The following RBFOX1 variants were observed in gnomAD, a reference collection of about 807,000 sequenced individuals.
RBFOX1 encodes RNA binding fox-1 homolog 1, also known as RNA binding protein fox-1 homolog 1.
RBFOX1 carries 8 observed loss-of-function variants against 57.7 expected under a neutral mutation model. The observed-to-expected ratio is 0.14, with a 90% CI of 0.08 to 0.25. RBFOX1 has a LOEUF of 0.25. Ranked by LOEUF, RBFOX1 falls within the 10% of genes least tolerant of loss-of-function variation. RBFOX1 has a pLI of 1.00. For missense variants in RBFOX1, 611 were observed against 548.5 expected (o/e 1.11, Z -1.14); for synonymous variants, 326 against 222.4 (o/e 1.47, Z -4.15).
intron 4 of RBFOX1, among the ~76,000 whole-genome samples, chr16:7,453,268 C>T (rs146335069): frequency 1.4e-4 from 21 of 152,012 alleles, no homozygotes; most frequent in African/African-American, 4.3e-4. Flanking sequence ...AGTAGCATTC[C>T]AGGCTGTGGG....
intron 3 of RBFOX1, among the ~76,000 whole-genome samples, chr16:6,901,240 T>G (rs13329868): frequency 3.3e-5 from 5 of 152,208 alleles, no homozygotes; most frequent in East Asian, 3.9e-4. Context: ...TCAGACTTCA[T>G]TCCAGTGAGG....
intron 3 of RBFOX1, among the ~76,000 whole-genome samples, chr16:5,781,826 T>C (rs1383815318): frequency 6.6e-6 from 1 of 152,206 alleles, no homozygotes; most frequent in Non-Finnish European, 1.5e-5. Flanking sequence ...GGCACTGATA[T>C]CAGAAAATGG....
At chr16:7,058,724 T>G (rs1362129550) in intron 4 of RBFOX1, among the ~76,000 whole-genome samples, 5 of 152,252 alleles carry the variant, frequency 3.3e-5, no homozygotes, top group Admixed American at 6.5e-5. Flanking sequence ...ATGGATTTTT[T>G]TCATTAACTT....
intron 4 of RBFOX1, among the ~76,000 whole-genome samples, chr16:7,220,649 A>G (rs2092656029): frequency 6.6e-6 from 1 of 151,978 alleles, no homozygotes; most frequent in African/African-American, 2.4e-5. Context: ...TGGACTTTTG[A>G]ATTATCTTCT....
chr16:5,763,356 TG>T (rs1450230054), intron 3 of RBFOX1, among the ~76,000 whole-genome samples: 4 of 152,116 alleles, frequency 2.6e-5, no homozygotes, highest in Non-Finnish European at 5.9e-5. Flanking sequence ...TGGCTGTGCT[TG>T]GGGGTGACTC....
chr16:6,281,383 C>T (rs2076363548), intron 1 of RBFOX1, among the ~76,000 whole-genome samples: 1 of 152,054 alleles, frequency 6.6e-6, no homozygotes, highest in South Asian at 2.1e-4. Context: ...AGGGGACAGC[C>T]AGGATTTTCC....
At chr16:6,998,187 T>C (rs2092433414) in intron 3 of RBFOX1, among the ~76,000 whole-genome samples, 1 of 152,156 alleles carries the variant, frequency 6.6e-6, no homozygotes, top group South Asian at 2.1e-4. Context: ...AGCAGTACAT[T>C]TGGTGGATTA....
rs1555612074 is a variant in RBFOX1, at chr16:7,567,309, A to ATCCTTATATATGGCCC, written c.271-12467_271-12466insCCTTATATATGGCCCT. Among the ~76,000 whole-genome samples the ATCCTTATATATGGCCC allele has an allele frequency of 1.7e-4, 5 of 30,048 alleles. 1 individual carries two copies. Among genetic ancestry groups the ATCCTTATATATGGCCC allele is most frequent in the African/African-American group, 7.1e-4 (5 of 7,016 alleles). The allele number at this position is 30,048 out of a possible 152,430, so 19.7% of individuals were successfully genotyped here. ...TATATCCTTATATATGGCCCTATAT[A>ATCCTTATATATGGCCC]TATATATATATATCTCCCTATATAT... is the stretch of plus-strand genomic sequence containing the variant. On this transcript the variant is annotated intron_variant, in intron 5 of 15. Transcript: ENST00000550418.
At chr16:6,596,726 T>C (rs2097779892) in intron 2 of RBFOX1, among the ~76,000 whole-genome samples, 1 of 152,232 alleles carries the variant, frequency 6.6e-6, no homozygotes, top group South Asian at 2.1e-4. Flanking sequence ...CTGTAAGTCT[T>C]AGCTGGGCTC....
chr16:5,741,251 T>G (rs1443085312), intron 3 of RBFOX1, among the ~76,000 whole-genome samples: 1 of 152,148 alleles, frequency 6.6e-6, no homozygotes, highest in Non-Finnish European at 1.5e-5. Flanking sequence ...GAGCAATCAG[T>G]GGGGTCGCCC....
At chr16:6,015,013 G>A (rs950887532), upstream of RBFOX1, among the ~76,000 whole-genome samples, 1 of 151,870 alleles carries the variant, frequency 6.6e-6, no homozygotes, top group Non-Finnish European at 1.5e-5. Context: ...ACACCACTAC[G>A]CCTGGCTAAT....
In RBFOX1 at chr16:5,612,259, A is replaced by T. The variant is rs1327004908; in HGVS notation, c.318+13298A>T. 2.1e-4 allele frequency among the ~76,000 whole-genome samples: 31 copies of T among 149,162 alleles called. 1 individual carries two copies. Among genetic ancestry groups the T allele is most frequent in the Admixed American group, 2.1e-3 (31 of 14,970 alleles). On this transcript the variant is annotated intron_variant, in intron 3 of 19. Coordinates refer to the RBFOX1 transcript ENST00000641259. The stretch of plus-strand genomic sequence containing the variant: ...TACTCTCCCATCAGTTCTCCCATCC[A>T]TCCATCTACTCTCCCAGTCACTCTC...
chr16:6,191,446 C>G (rs1023904907), intron 1 of RBFOX1, among the ~76,000 whole-genome samples: 1 of 152,102 alleles, frequency 6.6e-6, no homozygotes, highest in Non-Finnish European at 1.5e-5. Context: ...TCACATGGTA[C>G]TGTGCAACAG....
At chr16:7,300,423 C>G (rs573119120) in intron 4 of RBFOX1, among the ~76,000 whole-genome samples, 6 of 152,202 alleles carry the variant, frequency 3.9e-5, no homozygotes, top group Non-Finnish European at 8.8e-5. Flanking sequence ...CTTTCATGCT[C>G]ACTTTAATGA....
chr16:6,052,804 T>TATTATAATAATA (rs1555488785), intron 1 of RBFOX1, among the ~76,000 whole-genome samples: 1 of 144,238 alleles, frequency 6.9e-6, no homozygotes, highest in Non-Finnish European at 1.5e-5. Context: ...TAAAATAAAA[T>TATTATAATAATA]ATAATAATAA....
At chr16:6,052,287 C>T (rs563571993) in intron 1 of RBFOX1, among the ~76,000 whole-genome samples, 7 of 152,244 alleles carry the variant, frequency 4.6e-5, no homozygotes, top group Non-Finnish European at 7.4e-5. Flanking sequence ...CCTGATGTCC[C>T]TGTATTCCTC....
chr16:6,229,659 AT>A (rs1420243671), intron 1 of RBFOX1, among the ~76,000 whole-genome samples: 2 of 152,206 alleles, frequency 1.3e-5, no homozygotes, highest in Non-Finnish European at 2.9e-5. Context: ...TTAATGCAAA[AT>A]AAAAAGCCAA....
intron 1 of RBFOX1, among the ~76,000 whole-genome samples, chr16:6,134,918 A>C (rs1567534424): frequency 6.6e-6 from 1 of 152,026 alleles, no homozygotes; most frequent in South Asian, 2.1e-4. Flanking sequence ...ATATGTATGC[A>C]TGTGCCATGT....
At chr16:7,170,321 G>A (rs893917425) in intron 4 of RBFOX1, among the ~76,000 whole-genome samples, 4 of 152,142 alleles carry the variant, frequency 2.6e-5, no homozygotes, top group Non-Finnish European at 4.4e-5. Flanking sequence ...CTTTCAGACT[G>A]GAGTGCAGTG....
Sources: allele counts gnomAD v4.1 joint callset (sites outside exome capture counted in the v4.1 genomes callset), GRCh38; gene constraint gnomAD v4.1.1; transcripts MANE v1.5; gene names NCBI Gene and HGNC (gene_info 2026-07-23, HGNC 2026-07-21).